Variants in DAB1 observed in about 807,000 individuals in gnomAD.
DAB1 encodes disabled homolog 1.
Under a neutral mutation model 64.6 loss-of-function variants are expected in DAB1, and 15 were observed. The ratio of observed to expected loss-of-function variants is 0.23; its 90% CI spans 0.16 to 0.36. DAB1 has a LOEUF of 0.36. Among genes scored for constraint, DAB1 ranks in the 10% least tolerant of loss-of-function variants. The pLI is 1.00. For synonymous variants in DAB1, 235 were observed against 251.9 expected, an observed-to-expected ratio of 0.93 and a Z score of 0.64; for missense variants, 596 against 706.7, an observed-to-expected ratio of 0.84 and a Z score of 1.78.
At chr1:57,153,700 C>T (rs1299929534) in intron 2 of DAB1, among the ~76,000 whole-genome samples, 1 of 151,930 alleles carries the variant, frequency 6.6e-6, no homozygotes, top group East Asian at 1.9e-4. Flanking sequence ...GGCAGTGGCG[C>T]AATCTCGGCT....
intron 7 of DAB1, among the ~76,000 whole-genome samples, chr1:57,639,434 T>C (rs1646101400): frequency 2.0e-5 from 3 of 152,052 alleles, no homozygotes; most frequent in African/African-American, 7.2e-5. Context: ...AAGTCTCCAA[T>C]AAGGAACTTT....
intron 6 of DAB1, among the ~76,000 whole-genome samples, chr1:57,747,989 G>C (rs1648368132): frequency 6.6e-6 from 1 of 151,976 alleles, no homozygotes; most frequent in African/African-American, 2.4e-5. Flanking sequence ...GTAAAGCATG[G>C]TCTAGAGTCT....
intron 4 of DAB1, among the ~76,000 whole-genome samples, chr1:58,209,100 C>A (rs1431623597): frequency 6.6e-6 from 1 of 152,112 alleles, no homozygotes; most frequent in Non-Finnish European, 1.5e-5. Context: ...CACTGAACAG[C>A]TTAGACAAAA....
At chr1:57,363,270 A>G (rs1418421425) in intron 1 of DAB1, among the ~76,000 whole-genome samples, 1 of 152,146 alleles carries the variant, frequency 6.6e-6, no homozygotes, top group African/African-American at 2.4e-5. Flanking sequence ...AACCACGGAC[A>G]CTCTCTACAG....
At chr1:58,003,979 C>T (rs777584795) in intron 5 of DAB1, among the ~76,000 whole-genome samples, 8 of 152,166 alleles carry the variant, frequency 5.3e-5, no homozygotes, top group South Asian at 2.1e-4. Context: ...TATTAGCATA[C>T]GTTACTTGTT....
At chr1:58,178,607 A>T (rs886675111) in intron 4 of DAB1, among the ~76,000 whole-genome samples, 2 of 152,238 alleles carry the variant, frequency 1.3e-5, no homozygotes, top group African/African-American at 2.4e-5. Context: ...TAGTAGTAGT[A>T]GTAGAAGCTT....
At chr1:57,315,122 G>A (rs934557304) in intron 1 of DAB1, among the ~76,000 whole-genome samples, 2 of 152,102 alleles carry the variant, frequency 1.3e-5, no homozygotes, top group Non-Finnish European at 1.5e-5. Flanking sequence ...CTTTGCAGTT[G>A]TGTTTCCTCT....
intron 7 of DAB1, among the ~76,000 whole-genome samples, chr1:57,543,412 G>A (rs1310634361): frequency 2.6e-5 from 4 of 152,062 alleles, no homozygotes; most frequent in East Asian, 3.9e-4. Flanking sequence ...ATGTCCATCC[G>A]ACTCATTAGT....
intron 5 of DAB1, among the ~76,000 whole-genome samples, chr1:58,122,075 A>T (rs1191411270): frequency 3.3e-5 from 5 of 152,210 alleles, no homozygotes; most frequent in Admixed American, 3.3e-4. Context: ...GTTCTTGATC[A>T]TGCTCTGAGG....
chr1:57,282,882 A>G (rs1472097365), intron 2 of DAB1, among the ~76,000 whole-genome samples: 3 of 152,232 alleles, frequency 2.0e-5, no homozygotes, highest in Non-Finnish European at 4.4e-5. Flanking sequence ...GAACAGCACC[A>G]TAAATTTACA....
At chr1:57,924,989 T>C (rs1644859596) in intron 5 of DAB1, among the ~76,000 whole-genome samples, 1 of 152,174 alleles carries the variant, frequency 6.6e-6, no homozygotes, top group South Asian at 2.1e-4. Flanking sequence ...GATGAATAAG[T>C]TTCAGAGTAG....
intron 4 of DAB1, among the ~76,000 whole-genome samples, chr1:58,165,887 G>A (rs1028475423): frequency 6.6e-6 from 1 of 152,236 alleles, no homozygotes; most frequent in Non-Finnish European, 1.5e-5. Context: ...TCTTATGTGT[G>A]TGGCCTCATT....
At chr1:57,168,476 A>C (rs1015875825) in intron 2 of DAB1, among the ~76,000 whole-genome samples, 5 of 152,132 alleles carry the variant, frequency 3.3e-5, no homozygotes, top group African/African-American at 1.2e-4. Flanking sequence ...CCCAGAGTAC[A>C]TCCCATATGT....
intron 6 of DAB1, among the ~76,000 whole-genome samples, chr1:57,815,803 TA>T (rs1467690638): frequency 6.6e-6 from 1 of 152,182 alleles, no homozygotes; most frequent in African/African-American, 2.4e-5. Flanking sequence ...GGGTAAACGG[TA>T]ATATGTACAT....
chr1:57,306,387 C>T (rs186657126), intron 1 of DAB1, among the ~76,000 whole-genome samples: 238 of 152,214 alleles, frequency 1.6e-3, no homozygotes, highest in African/African-American at 5.4e-3. Context: ...GAAAGCTCCA[C>T]ATATATATTA....
chr1:58,167,188 G>C (rs1032933138), intron 4 of DAB1, among the ~76,000 whole-genome samples: 1 of 152,228 alleles, frequency 6.6e-6, no homozygotes, highest in Non-Finnish European at 1.5e-5. Flanking sequence ...GGGCTTCTGG[G>C]TCAGGTGGGG....
chr1:58,376,059 T>A (rs958739077), intron 3 of DAB1, among the ~76,000 whole-genome samples: 7 of 152,070 alleles, frequency 4.6e-5, no homozygotes, highest in African/African-American at 1.7e-4. Flanking sequence ...TGTGTCTATT[T>A]GATTCTTCTC....
chr1:57,504,168 C>T (rs565914925), intron 7 of DAB1, among the ~76,000 whole-genome samples: 2 of 152,140 alleles, frequency 1.3e-5, no homozygotes, highest in African/African-American at 2.4e-5. Context: ...TTTAAAACTC[C>T]ATAATGAATT....
In DAB1 at chr1:57,325,368, G is replaced by A. The variant is rs138127752; in HGVS notation, c.-136-34202C>T. The stretch of plus-strand genomic sequence containing the variant: ...ATGGGGCAGAGGACGAAACAGGGTG[G>A]GGGTCAAAACTCAGCCCCAACACTT... On this transcript the variant is annotated intron_variant, in intron 1 of 14. Coordinates refer to ENST00000371236, the MANE Select transcript of DAB1 (RefSeq NM_001365792.1). 8.7e-4 allele frequency among the ~76,000 whole-genome samples: 132 copies of A among 152,266 alleles called. 1 individual carries two copies. In the East Asian group the frequency reaches 0.015, roughly 17 times the overall value.
Sources: gnomAD v4.1 joint callset for allele counts (sites outside exome capture counted in the v4.1 genomes callset) on GRCh38, gnomAD v4.1.1 for gene constraint, MANE v1.5 for transcripts, NCBI Gene and HGNC (gene_info 2026-07-23, HGNC 2026-07-21) for gene names.